The following PARD3 variants were observed in gnomAD, a reference collection of about 807,000 sequenced individuals.
The protein encoded by PARD3 is par-3 family cell polarity regulator.
In PARD3, 75 loss-of-function variants were observed where a neutral mutation model predicts 155.4. The ratio of observed to expected loss-of-function variants is 0.48; its 90% CI spans 0.40 to 0.58. The LOEUF (loss-of-function observed/expected upper bound fraction) is 0.58. PARD3 is among the 20% of genes least tolerant of loss of function. PARD3 has a pLI of 0.00. For missense variants in PARD3, 1,642 were observed against 1,721.7 expected, an observed-to-expected ratio of 0.95 and a Z score of 0.82; for synonymous variants, 576 against 610.5, an observed-to-expected ratio of 0.94 and a Z score of 0.83.
At chr10:34,150,841 G>C (rs572476528) in intron 22 of PARD3, among the ~76,000 whole-genome samples, 2 of 152,300 alleles carry the variant, frequency 1.3e-5, no homozygotes, top group South Asian at 4.1e-4. Flanking sequence ...CAGCTCTAAA[G>C]TATTATCATA....
At chr10:34,693,495 T>A (rs1011623967) in intron 2 of PARD3, among the ~76,000 whole-genome samples, 4 of 152,030 alleles carry the variant, frequency 2.6e-5, no homozygotes, top group Admixed American at 6.6e-5. Flanking sequence ...TGAACTAACA[T>A]GGGAAGAGAA....
rs11818272 is a variant in PARD3, at chr10:34,218,977, G to A, written c.3419+50680C>T. Among the ~76,000 whole-genome samples the A allele has an allele frequency of 6.2e-3, 946 of 152,242 alleles. 4 individuals are homozygous for A. Among genetic ancestry groups the A allele is most frequent in the Non-Finnish European group, 0.01 (699 of 68,034 alleles). On this transcript the variant is annotated intron_variant, in intron 22 of 24. Coordinates refer to ENST00000374788, the MANE Select transcript of PARD3 (RefSeq NM_001184785.2). ...CGAATAAATAGTTCAAATCATCACA[G>A]GATTTCAGGATGGGCCAAAAGTAGC...
intron 5 of PARD3, among the ~76,000 whole-genome samples, chr10:34,424,687 G>A (rs567723867): frequency 1.3e-5 from 2 of 152,000 alleles, no homozygotes; most frequent in South Asian, 4.2e-4. Flanking sequence ...ACTAATTTTT[G>A]TATTTTTAGT....
chr10:34,579,424 G>A (rs1251849265), intron 2 of PARD3, among the ~76,000 whole-genome samples: 1 of 152,026 alleles, frequency 6.6e-6, no homozygotes, highest in Non-Finnish European at 1.5e-5. Flanking sequence ...CCCCTCCCAG[G>A]TGCCCTAGAT....
At chr10:34,155,812 C>T (rs2247538) in intron 22 of PARD3, among the ~76,000 whole-genome samples, 43,835 of 151,520 alleles carry the variant, frequency 0.29, 6,743 homozygotes, top group Middle Eastern at 0.41. Context: ...GTCATGCAGA[C>T]GCTCTGAGAA....
intron 24 of PARD3, among the ~76,000 whole-genome samples, chr10:34,118,595 C>A (rs1946813755): frequency 6.6e-6 from 1 of 152,180 alleles, no homozygotes; most frequent in Non-Finnish European, 1.5e-5. Context: ...ATCTGCCTGC[C>A]TCAGCCTCCC....
At chr10:34,549,652 C>T (rs1296741931) in intron 2 of PARD3, among the ~76,000 whole-genome samples, 1 of 152,152 alleles carries the variant, frequency 6.6e-6, no homozygotes, top group Non-Finnish European at 1.5e-5. Context: ...CTAAAATACA[C>T]TCAATTACAC....
At chr10:34,788,081 A>C (rs1018300795) in intron 1 of PARD3, among the ~76,000 whole-genome samples, 2 of 151,630 alleles carry the variant, frequency 1.3e-5, no homozygotes, top group East Asian at 3.9e-4. Flanking sequence ...ACGTCGCCCC[A>C]GCCCCAGCAT....
chr10:34,356,565 T>TA (rs1411175618), intron 14 of PARD3, among the ~76,000 whole-genome samples: 1 of 152,240 alleles, frequency 6.6e-6, no homozygotes, highest in Non-Finnish European at 1.5e-5. Flanking sequence ...AAGACTGGAC[T>TA]ATACAGCTGA....
At chr10:34,378,797 T>A (rs563346333) in intron 9 of PARD3, among the ~76,000 whole-genome samples, 1 of 152,190 alleles carries the variant, frequency 6.6e-6, no homozygotes, top group Non-Finnish European at 1.5e-5. Flanking sequence ...GGGGATCATA[T>A]TATGCTTAAA....
intron 1 of PARD3, among the ~76,000 whole-genome samples, chr10:34,711,224 GAAGT>G (rs1480985437): frequency 6.6e-6 from 1 of 151,854 alleles, no homozygotes; most frequent in Non-Finnish European, 1.5e-5. Context: ...CTCCAACTCT[GAAGT>G]ATTTACCTAG....
chr10:34,777,003 A>ATTT (rs758917237), intron 1 of PARD3, among the ~76,000 whole-genome samples: 3,497 of 122,314 alleles, frequency 0.029, 246 homozygotes, highest in African/African-American at 0.11. Context: ...TGTCTGGCTA[A>ATTT]TTTTTTTTTT....
At chr10:34,354,331 T>C (rs922569898) in intron 14 of PARD3, among the ~76,000 whole-genome samples, 2 of 150,418 alleles carry the variant, frequency 1.3e-5, no homozygotes, top group Non-Finnish European at 3.0e-5. Context: ...TGAGCTGAGA[T>C]CACGCCACTG....
intron 1 of PARD3, among the ~76,000 whole-genome samples, chr10:34,798,128 T>G (rs1842480777): frequency 6.6e-6 from 1 of 151,382 alleles, no homozygotes; most frequent in Non-Finnish European, 1.5e-5. Context: ...AAGATCAGCC[T>G]GGGCAACTTA....
chr10:34,531,954 A>G (rs2082888612), intron 2 of PARD3, among the ~76,000 whole-genome samples: 1 of 152,184 alleles, frequency 6.6e-6, no homozygotes. Flanking sequence ...CTGCACTTTA[A>G]GCAGACACGC....
At chr10:34,656,514 G>T (rs779888265) in intron 2 of PARD3, among the ~76,000 whole-genome samples, 1 of 152,174 alleles carries the variant, frequency 6.6e-6, no homozygotes, top group Non-Finnish European at 1.5e-5. Context: ...TCGGAAGAAG[G>T]CGAGAGTGCT....
chr10:34,349,474 G>A (rs1837773013), intron 14 of PARD3, among the ~76,000 whole-genome samples: 1 of 148,326 alleles, frequency 6.7e-6, no homozygotes, highest in Non-Finnish European at 1.5e-5. Flanking sequence ...ACAACTGACA[G>A]CTTTACTGAA....
At chr10:34,133,693 C>G (rs990791473) in intron 22 of PARD3, among the ~76,000 whole-genome samples, 1 of 152,186 alleles carries the variant, frequency 6.6e-6, no homozygotes, top group East Asian at 1.9e-4. Flanking sequence ...CAGTAGAGTA[C>G]GTAAAATTCT....
At chr10:34,772,573 C>A (rs1839017443) in intron 1 of PARD3, among the ~76,000 whole-genome samples, 2 of 151,836 alleles carry the variant, frequency 1.3e-5, no homozygotes, top group Admixed American at 1.3e-4. Context: ...GGGTGGATTA[C>A]TTGAGCTCAG....
Sources: gnomAD v4.1 joint callset for allele counts (sites outside exome capture counted in the v4.1 genomes callset) on GRCh38, gnomAD v4.1.1 for gene constraint, MANE v1.5 for transcripts, NCBI Gene and HGNC (gene_info 2026-07-23, HGNC 2026-07-21) for gene names.